FRAS1: variants seen among roughly 807,000 people sequenced by gnomAD.
The protein encoded by FRAS1 is Fraser extracellular matrix complex subunit 1, also known as extracellular matrix organizing protein FRAS1.
A neutral mutation model predicts 435.2 loss-of-function variants in FRAS1; 290 were observed. That is an observed-to-expected ratio of 0.67 (90% CI 0.61 to 0.73). The LOEUF (loss-of-function observed/expected upper bound fraction) is 0.73. Ranked by LOEUF, FRAS1 falls within the 30% of genes least tolerant of loss-of-function variation. The pLI, the probability that FRAS1 is intolerant of heterozygous loss-of-function variation, is 0.00. For missense variants in FRAS1, 4,860 were observed against 5,001.5 expected (o/e 0.97, Z 0.85); for synonymous variants, 1,800 against 1,851.0 (o/e 0.97, Z 0.71).
rs1732756425 is a variant in FRAS1, at chr4:78,398,411, T to G, written c.3976-2323T>G. Among the ~76,000 whole-genome samples the G allele has an allele frequency of 2.6e-5, 4 of 152,202 alleles. No homozygotes were observed. The South Asian group carries it at 8.3e-4, about 32-fold the overall frequency. On this transcript the variant is annotated intron_variant, in intron 29 of 73. Transcript: ENST00000512123. ...CTGAACATCTTAATGAGCTTCCAGGTGCTGCTAGTCTCTGCACATTGAGTC... is the reference window on the plus strand; with the variant it reads ...CTGAACATCTTAATGAGCTTCCAGGGGCTGCTAGTCTCTGCACATTGAGTC...
At chr4:78,469,949 T>C (rs1719650880) in intron 50 of FRAS1, 29 bp from the exon 51 acceptor site, 2 of 1,517,390 alleles carry the variant, frequency 1.3e-6, no homozygotes, top group African/African-American at 1.4e-5. Flanking sequence ...TTGTGAATGA[T>C]GAGTTTTCTT....
chr4:78,313,309 C>T (rs72866317), intron 15 of FRAS1, among the ~76,000 whole-genome samples: 3,158 of 152,276 alleles, frequency 0.021, 90 homozygotes, highest in African/African-American at 0.071. Context: ...TCTTACTCTA[C>T]ACATTTGCCT....
intron 2 of FRAS1, chr4:78,068,459 G>A (rs1740161955): frequency 2.2e-6 from 1 of 453,312 alleles, no homozygotes; most frequent in Non-Finnish European, 4.4e-6. Flanking sequence ...GGGCATTTGA[G>A]GCAGTGCATG....
intron 69 of FRAS1, among the ~76,000 whole-genome samples, chr4:78,524,277 T>C (rs1274455144): frequency 2.0e-5 from 3 of 152,194 alleles, no homozygotes; most frequent in Non-Finnish European, 4.4e-5. Flanking sequence ...TTTTAGGAGC[T>C]TACCTTTGAG....
chr4:78,274,773 A>T (rs982536839), intron 9 of FRAS1, among the ~76,000 whole-genome samples: 5 of 152,198 alleles, frequency 3.3e-5, no homozygotes, highest in African/African-American at 7.2e-5. Flanking sequence ...TGTGGTGCTG[A>T]AAAGAATGTA....
At chr4:78,361,758 A>T (rs779327756) in intron 20 of FRAS1, among the ~76,000 whole-genome samples, 23 of 152,220 alleles carry the variant, frequency 1.5e-4, no homozygotes, top group Non-Finnish European at 2.9e-4. Context: ...TTGAGATGAA[A>T]CAAGACATTT....
chr4:78,169,954 G>A (rs1485171453), intron 2 of FRAS1, among the ~76,000 whole-genome samples: 2 of 152,140 alleles, frequency 1.3e-5, no homozygotes, highest in Non-Finnish European at 2.9e-5. Flanking sequence ...ATGGGGATGA[G>A]ATAGTAATAT....
At chr4:78,252,748 C>T (rs1036692775) in intron 5 of FRAS1, among the ~76,000 whole-genome samples, 197 bp downstream of exon 5, 17 of 152,142 alleles carry the variant, frequency 1.1e-4, no homozygotes, top group South Asian at 2.1e-4. Context: ...TCAGTAGGAC[C>T]GTGATGCCCT....
intron 38 of FRAS1, among the ~76,000 whole-genome samples, chr4:78,437,030 T>C (rs1278811760): frequency 1.3e-5 from 2 of 152,356 alleles, no homozygotes; most frequent in Non-Finnish European, 2.9e-5. Context: ...TGTATTCTTA[T>C]GCATTTTTTG....
At chr4:78,445,833 G>A (rs773449434) in intron 42 of FRAS1, 121 bp downstream of exon 42, 1 of 1,417,416 alleles carries the variant, frequency 7.1e-7, no homozygotes, top group South Asian at 1.9e-5. Context: ...AAAATTGAAG[G>A]TCGTTCTTAA....
At chr4:78,145,953 C>T (rs899955982) in intron 2 of FRAS1, among the ~76,000 whole-genome samples, 12 of 152,090 alleles carry the variant, frequency 7.9e-5, no homozygotes, top group Non-Finnish European at 1.8e-4. Context: ...AGAAGAGGTG[C>T]CTTCCGCCAT....
intron 2 of FRAS1, among the ~76,000 whole-genome samples, chr4:78,085,685 T>C (rs1008603599): frequency 6.6e-6 from 1 of 152,146 alleles, no homozygotes; most frequent in Non-Finnish European, 1.5e-5. Context: ...AGAAGGCCAT[T>C]ACATAATGGT....
intron 63 of FRAS1, 112 bp from the exon 64 acceptor site, chr4:78,511,162 A>G (rs1294671547): frequency 9.0e-6 from 8 of 893,542 alleles, no homozygotes; most frequent in Non-Finnish European, 5.1e-6. Context: ...ATAGATGGAA[A>G]AATCAATGGA....
chr4:78,513,716 A>G (rs928316258), intron 65 of FRAS1, among the ~76,000 whole-genome samples, 164 bp downstream of exon 65: 1 of 152,224 alleles, frequency 6.6e-6, no homozygotes, highest in African/African-American at 2.4e-5. Context: ...AGTTCAGTCA[A>G]TGCAGTGGAC....
chr4:78,273,286 C>T (rs1726810485), intron 9 of FRAS1, among the ~76,000 whole-genome samples: 1 of 152,154 alleles, frequency 6.6e-6, no homozygotes, highest in Non-Finnish European at 1.5e-5. Context: ...TCCTCTTTTC[C>T]TAATTGAACA....
At chr4:78,513,212 A>G (rs1296680912) in intron 64 of FRAS1, among the ~76,000 whole-genome samples, 180 bp from the exon 65 acceptor site, 6 of 152,210 alleles carry the variant, frequency 3.9e-5, no homozygotes, top group East Asian at 3.9e-4. Context: ...GAGGGAAGCA[A>G]TGATACTATG....
In FRAS1 at chr4:78,066,136, G is replaced by A. The variant is rs1047698859; in HGVS notation, c.108+120G>A. ...ATATGTTTATTTTTCTTCAACGTTTGACAATTAGCCCTCATTCGGGCACAA... is the reference window on the plus strand; with the variant it reads ...ATATGTTTATTTTTCTTCAACGTTTAACAATTAGCCCTCATTCGGGCACAA... On this transcript the variant is annotated intron_variant, in intron 2 of 73. Coordinates refer to ENST00000512123, the MANE Select transcript of FRAS1 (RefSeq NM_025074.7). The A allele has an allele frequency of 1.5e-5, 11 of 745,692 alleles. No homozygotes were observed. The African/African-American group carries it at 1.8e-4, about 12-fold the overall frequency. 46.2% of individuals were successfully genotyped at this position (745,692 alleles called of 1,614,324 possible).
chr4:78,347,010 G>A (rs1730627913), intron 20 of FRAS1, among the ~76,000 whole-genome samples: 1 of 151,972 alleles, frequency 6.6e-6, no homozygotes, highest in South Asian at 2.1e-4. Context: ...TTCATCCCAA[G>A]TGCATGTGAT....
chr4:78,506,357 G>A (rs1720841177), intron 61 of FRAS1, among the ~76,000 whole-genome samples: 1 of 152,228 alleles, frequency 6.6e-6, no homozygotes, highest in African/African-American at 2.4e-5. Flanking sequence ...GCCCACAGAG[G>A]TGGAGTCTAT....
Sources: allele counts gnomAD v4.1 joint callset (sites outside exome capture counted in the v4.1 genomes callset), GRCh38; gene constraint gnomAD v4.1.1; transcripts MANE v1.5; gene names NCBI Gene and HGNC (gene_info 2026-07-23, HGNC 2026-07-21).